NALCN: variants seen among roughly 807,000 people sequenced by gnomAD.
NALCN encodes sodium leak channel, non-selective.
Under a neutral mutation model 225.3 loss-of-function variants are expected in NALCN, and 111 were observed. The observed-to-expected ratio is 0.49, with a 90% CI of 0.42 to 0.58. NALCN has a LOEUF of 0.58. Among genes scored for constraint, NALCN ranks in the 20% least tolerant of loss-of-function variants. NALCN has a pLI of 0.00. For missense variants in NALCN, 1,378 were observed against 2,202.4 expected, an observed-to-expected ratio of 0.63 and a Z score of 7.49; for synonymous variants, 764 against 769.0, an observed-to-expected ratio of 0.99 and a Z score of 0.11.
chr13:101,178,426 T>A (rs2139948040), intron 14 of NALCN, among the ~76,000 whole-genome samples: 1 of 152,320 alleles, frequency 6.6e-6, no homozygotes, highest in East Asian at 1.9e-4. Flanking sequence ...GACTTGGAAT[T>A]GTAAATTCTT....
chr13:101,340,878 G>C lies in NALCN; in HGVS notation c.799+4388C>G, dbSNP rs1462470202. Among the ~76,000 whole-genome samples, 4 of 152,188 alleles carry C rather than the reference G, an allele frequency of 2.6e-5. No homozygotes were observed. The East Asian group carries it at 7.7e-4, about 29-fold the overall frequency. ...TGATTCCAATATTATTACTCATATT[G>C]AAATGATTTTTTGGGACGTGGTCAT... On this transcript the variant is annotated intron_variant, in intron 7 of 43. Coordinates refer to ENST00000251127, the MANE Select transcript of NALCN (RefSeq NM_052867.4).
chr13:101,224,319 A>G (rs887065447), intron 13 of NALCN, among the ~76,000 whole-genome samples: 2 of 152,184 alleles, frequency 1.3e-5, no homozygotes, highest in African/African-American at 4.8e-5. Flanking sequence ...CAAAGCTCCC[A>G]TTATACATGC....
chr13:101,172,068 G>C (rs1185572137), intron 15 of NALCN, among the ~76,000 whole-genome samples: 1 of 152,158 alleles, frequency 6.6e-6, no homozygotes, highest in Non-Finnish European at 1.5e-5. Context: ...TATTAAAAAT[G>C]ACACCATAGC....
chr13:101,081,583 C>G lies in NALCN; in HGVS notation c.3829G>C (p.Asp1277His). The G allele has an allele frequency of 1.2e-6, 2 of 1,614,090 alleles. No homozygotes were observed. Among genetic ancestry groups the G allele is most frequent in the African/African-American group, 1.3e-5 (1 of 75,020 alleles). Residue 1277 changes from aspartate (D) to histidine (H), a missense_variant, in exon 34 of 44, where the codon GAT (aspartate) becomes CAT (histidine). Physicochemically the swap from Asp to His is moderately conservative, Grantham distance 81. Transcript: ENST00000251127. The part of the protein sequence containing the change: ...GFWQSRRNRY[D>H]LLVTSLGVVW... ...ACGCCAAGCGACGTCACCAGGAGATCGTATCGGTTTCTTCTGCTTTGCCAG... is the reference window on the plus strand; with the variant it reads ...ACGCCAAGCGACGTCACCAGGAGATGGTATCGGTTTCTTCTGCTTTGCCAG...
At chr13:101,274,643 A>G (rs2042914623) in intron 10 of NALCN, among the ~76,000 whole-genome samples, 2 of 152,184 alleles carry the variant, frequency 1.3e-5, no homozygotes, top group Admixed American at 1.3e-4. Context: ...ATGCAAGGAA[A>G]TCGACTTAAT....
intron 41 of NALCN, among the ~76,000 whole-genome samples, chr13:101,061,386 C>CTT (rs10637556): frequency 0.27 from 40,601 of 148,374 alleles, 5,808 homozygotes; most frequent in African/African-American, 0.36. Context: ...TATCAATAAA[C>CTT]TTTTTTTTTT....
At chr13:101,100,710 G>T in intron 27 of NALCN, 74 bp downstream of exon 27, 2 of 1,268,942 alleles carry the variant, frequency 1.6e-6, no homozygotes, top group African/African-American at 1.5e-5. Flanking sequence ...ATTCCAAAGT[G>T]CTAGGATTGT....
chr13:101,118,364 T>C (rs561286713), intron 18 of NALCN, among the ~76,000 whole-genome samples: 24 of 152,330 alleles, frequency 1.6e-4, no homozygotes, highest in African/African-American at 4.6e-4. Flanking sequence ...ATAAATCATA[T>C]GCTATCTCAA....
intron 14 of NALCN, among the ~76,000 whole-genome samples, chr13:101,184,091 T>C (rs2039353570): frequency 6.6e-6 from 1 of 152,242 alleles, no homozygotes; most frequent in South Asian, 2.1e-4. Flanking sequence ...TATTGATACA[T>C]TATGAATCAG....
At chr13:101,351,113 A>G (rs567769165) in intron 6 of NALCN, among the ~76,000 whole-genome samples, 146 of 152,264 alleles carry the variant, frequency 9.6e-4, no homozygotes, top group East Asian at 1.2e-3. Flanking sequence ...TTTTCTGAAT[A>G]AATGAATGAA....
intron 7 of NALCN, among the ~76,000 whole-genome samples, chr13:101,330,520 C>T (rs2045128397): frequency 6.6e-6 from 1 of 152,208 alleles, no homozygotes; most frequent in Admixed American, 6.5e-5. Flanking sequence ...TGTTGCTTGA[C>T]TTCTGTCCAG....
intron 1 of NALCN, among the ~76,000 whole-genome samples, chr13:101,401,448 A>T (rs2047476742): frequency 1.3e-5 from 2 of 152,204 alleles, no homozygotes. Flanking sequence ...GAGCAAGTAA[A>T]AGAGTGGTTT....
intron 14 of NALCN, among the ~76,000 whole-genome samples, chr13:101,179,760 G>A (rs970473868): frequency 1.1e-4 from 16 of 152,090 alleles, no homozygotes; most frequent in Admixed American, 9.2e-4. Context: ...CTGTAACACC[G>A]TGCACGGAGT....
At chr13:101,277,367 T>A (rs545183365) in intron 10 of NALCN, among the ~76,000 whole-genome samples, 328 of 152,278 alleles carry the variant, frequency 2.2e-3, no homozygotes, top group African/African-American at 7.4e-3. Flanking sequence ...TTTAACATTT[T>A]AAAATGTTAA....
chr13:101,147,349 TCTCTC>T (rs1343484159), intron 15 of NALCN, among the ~76,000 whole-genome samples: 4 of 142,306 alleles, frequency 2.8e-5, no homozygotes, highest in African/African-American at 1.1e-4. Context: ...TCTTCCTCTC[TCTCTC>T]TTTTTTTTTT....
At chr13:101,281,453 G>A (rs1477344553) in intron 10 of NALCN, among the ~76,000 whole-genome samples, 1 of 152,114 alleles carries the variant, frequency 6.6e-6, no homozygotes, top group East Asian at 1.9e-4. Context: ...TGCTTTTTAG[G>A]TAAGAAGCTA....
chr13:101,059,481 A>G (rs937397737), intron 42 of NALCN, among the ~76,000 whole-genome samples: 2 of 152,348 alleles, frequency 1.3e-5, no homozygotes, highest in Middle Eastern at 3.4e-3. Flanking sequence ...ACTCCATGTA[A>G]TATACCCAGA....
At chr13:101,222,758 A>C (rs2040991389) in intron 13 of NALCN, among the ~76,000 whole-genome samples, 1 of 152,210 alleles carries the variant, frequency 6.6e-6, no homozygotes, top group South Asian at 2.1e-4. Flanking sequence ...AACATCATCC[A>C]TTCCAATGCC....
chr13:101,414,839 T>C (rs760352610), intron 1 of NALCN, among the ~76,000 whole-genome samples: 55 of 152,228 alleles, frequency 3.6e-4, no homozygotes, highest in Non-Finnish European at 7.6e-4. Context: ...AAACAGATTA[T>C]GTCTTCTATG....
Sources: gnomAD v4.1 joint callset for allele counts (sites outside exome capture counted in the v4.1 genomes callset) on GRCh38, gnomAD v4.1.1 for gene constraint, MANE v1.5 for transcripts, NCBI Gene and HGNC (gene_info 2026-07-23, HGNC 2026-07-21) for gene names.